The following TMC7 variants were observed in gnomAD, a reference collection of about 807,000 sequenced individuals.
The protein encoded by TMC7 is transmembrane channel like 7, also known as transmembrane channel-like protein 7.
Under a neutral mutation model 82.9 loss-of-function variants are expected in TMC7, and 54 were observed. The ratio of observed to expected loss-of-function variants is 0.65; its 90% CI spans 0.52 to 0.82. TMC7 has a LOEUF of 0.82. Ranked by LOEUF, TMC7 falls within the 40% of genes least tolerant of loss-of-function variation. TMC7 has a pLI of 0.00. For missense variants in TMC7, 820 were observed against 901.2 expected, an observed-to-expected ratio of 0.91 and a Z score of 1.15; for synonymous variants, 350 against 337.9, an observed-to-expected ratio of 1.04 and a Z score of -0.39.
chr16:19,038,309 C>T (rs1276895573), intron 8 of TMC7, among the ~76,000 whole-genome samples: 3 of 152,118 alleles, frequency 2.0e-5, no homozygotes, highest in Non-Finnish European at 4.4e-5. Flanking sequence ...GATTCTCCTG[C>T]CTCAGCCTCC....
At chr16:19,058,385 A>T (rs999678449) in intron 14 of TMC7, among the ~76,000 whole-genome samples, 2 of 150,908 alleles carry the variant, frequency 1.3e-5, no homozygotes, top group Non-Finnish European at 2.9e-5. Context: ...CGTCTCAAAA[A>T]TAAATAAATA....
In TMC7 at chr16:18,999,965, A is replaced by G. The variant is rs1186199380; in HGVS notation, c.68-9207A>G. On this transcript the variant is annotated intron_variant, in intron 1 of 15. Transcript: ENST00000304381. ...TTTTTAGTAGAGACGGGGTTTCACC[A>G]TGTTAGCCAGGATGGTCTCGATCTC... Among the ~76,000 whole-genome samples, 6 of 151,502 alleles carry G rather than the reference A, an allele frequency of 4.0e-5. No individual in the cohort carries two copies. The South Asian group carries it at 8.3e-4, about 21-fold the overall frequency.
At chr16:19,027,793 T>A (rs1430045307) in intron 5 of TMC7, among the ~76,000 whole-genome samples, 1 of 152,166 alleles carries the variant, frequency 6.6e-6, no homozygotes, top group Non-Finnish European at 1.5e-5. Context: ...TCTTGTATAA[T>A]TTTAAAATAC....
At chr16:19,028,489 A>G (rs1186185358) in intron 5 of TMC7, among the ~76,000 whole-genome samples, 1 of 152,140 alleles carries the variant, frequency 6.6e-6, no homozygotes, top group Non-Finnish European at 1.5e-5. Flanking sequence ...TTGCGATTCC[A>G]TATGAATTTT....
chr16:18,985,339 C>G (rs1365223086), intron 1 of TMC7, among the ~76,000 whole-genome samples: 3 of 151,124 alleles, frequency 2.0e-5, no homozygotes, highest in Non-Finnish European at 4.4e-5. Context: ...GGATTGTTCC[C>G]AATGTCCAGA....
chr16:19,040,849 A>G (rs1248806325), intron 9 of TMC7, among the ~76,000 whole-genome samples: 2 of 149,986 alleles, frequency 1.3e-5, no homozygotes, highest in Admixed American at 6.6e-5. Context: ...TTGCATTTGC[A>G]TCTTATTTCA....
chr16:19,021,148 A>G lies in TMC7; in HGVS notation c.461-481A>G, dbSNP rs139679560. On this transcript the variant is annotated intron_variant, in intron 3 of 15. Transcript: ENST00000304381. The stretch of plus-strand genomic sequence containing the variant: ...CATTTGTACATAAATGCAAAAGACC[A>G]AAGATATCTAAGACAATCTTGAGGA... 3.3e-5 allele frequency among the ~76,000 whole-genome samples: 5 copies of G among 152,306 alleles called. No homozygotes were observed. The East Asian group carries it at 9.6e-4, about 29-fold the overall frequency.
intron 1 of TMC7, among the ~76,000 whole-genome samples, chr16:18,995,346 C>A (rs1290458991): frequency 6.6e-6 from 1 of 152,094 alleles, no homozygotes; most frequent in East Asian, 1.9e-4. Flanking sequence ...CCAAAGCGTC[C>A]GTGATGGTCC....
At chr16:19,058,930 T>A (rs544362785) in intron 14 of TMC7, among the ~76,000 whole-genome samples, 44 of 152,188 alleles carry the variant, frequency 2.9e-4, no homozygotes, top group African/African-American at 1.1e-3. Context: ...CAGGCTGGAG[T>A]GCAGTGATGC....
In TMC7 at chr16:19,061,950, A is replaced by G; in HGVS notation, c.*107A>G. On this transcript the variant is annotated 3_prime_UTR_variant, in exon 16 of 16. Transcript: ENST00000304381. ...GTTTTGAGTGGACATTTAAAAATAT[A>G]TTTTTCTTGAGTTTAGGCTTTTCCA... 1.1e-6 allele frequency: 1 copy of G among 914,210 alleles called. No individual in the cohort carries two copies. Among genetic ancestry groups the G allele is most frequent in the South Asian group, 2.1e-5 (1 of 47,614 alleles). 56.6% of individuals were successfully genotyped at this position (914,210 alleles called of 1,614,324 possible). A position where few individuals can be genotyped will look rare whatever the true frequency, so the allele number is the denominator to read the frequency against.
intron 1 of TMC7, among the ~76,000 whole-genome samples, chr16:19,002,195 C>CTCAT (rs994255961): frequency 6.6e-6 from 1 of 150,750 alleles, no homozygotes; most frequent in African/African-American, 2.4e-5. Flanking sequence ...TCTGCCACTG[C>CTCAT]TCATTCATTC....
intron 6 of TMC7, among the ~76,000 whole-genome samples, chr16:19,033,359 C>T (rs770095486): frequency 6.6e-6 from 1 of 152,090 alleles, no homozygotes; most frequent in African/African-American, 2.4e-5. Flanking sequence ...AATTTTCCTT[C>T]CTCTGGATCT....
chr16:18,997,729 CTTTT>C (rs60256405), intron 1 of TMC7, among the ~76,000 whole-genome samples: 13 of 119,466 alleles, frequency 1.1e-4, no homozygotes, highest in Non-Finnish European at 1.0e-4. Context: ...CAAATCCAGC[CTTTT>C]TTTTTTTTTT....
At chr16:19,047,028 C>A in intron 11 of TMC7, 35 bp from the exon 12 acceptor site, 1 of 1,559,838 alleles carries the variant, frequency 6.4e-7, no homozygotes, top group Non-Finnish European at 8.7e-7. Flanking sequence ...CCTTGGCAGA[C>A]ACCAGTAGCC....
chr16:19,034,896 T>C (rs897120073), intron 6 of TMC7, among the ~76,000 whole-genome samples: 5 of 152,148 alleles, frequency 3.3e-5, no homozygotes, highest in African/African-American at 1.2e-4. Flanking sequence ...AGCTGGATCA[T>C]ATAGGATATC....
intron 1 of TMC7, among the ~76,000 whole-genome samples, chr16:18,989,288 C>T (rs1003056090): frequency 1.3e-5 from 2 of 152,096 alleles, no homozygotes; most frequent in Non-Finnish European, 2.9e-5. Flanking sequence ...AGGCTGGATT[C>T]GTTCTCTGGT....
At chr16:19,033,209 T>A (rs1454626861) in intron 6 of TMC7, among the ~76,000 whole-genome samples, 3 of 152,190 alleles carry the variant, frequency 2.0e-5, no homozygotes, top group Non-Finnish European at 4.4e-5. Context: ...AGGATTAACA[T>A]AAACTAGGCA....
intron 1 of TMC7, 55 bp downstream of exon 1, chr16:18,984,185 C>T (rs1370325763): frequency 1.4e-6 from 2 of 1,435,798 alleles, no homozygotes; most frequent in African/African-American, 3.0e-5. Context: ...CGAGGGCGCA[C>T]GGAGGGAGCC....
In TMC7 at chr16:19,020,766, TC is replaced by T. The variant is rs568933873; in HGVS notation, c.461-861del. ...CCTCGGGAGGCTAAGGCGTGAGAAT[TC>T]CTTGAACCCAGGAGGCAGAGGTTGC... On this transcript the variant is annotated intron_variant, in intron 3 of 15. Coordinates refer to ENST00000304381, the MANE Select transcript of TMC7 (RefSeq NM_024847.4). Among the ~76,000 whole-genome samples the T allele has an allele frequency of 4.6e-3, 698 of 151,918 alleles. 6 individuals are homozygous for T. Among genetic ancestry groups the T allele is most frequent in the African/African-American group, 0.016 (663 of 41,450 alleles).
Sources: allele counts gnomAD v4.1 joint callset (sites outside exome capture counted in the v4.1 genomes callset), GRCh38; gene constraint gnomAD v4.1.1; transcripts MANE v1.5; gene names NCBI Gene and HGNC (gene_info 2026-07-23, HGNC 2026-07-21).